ARAF: variants seen among roughly 807,000 people sequenced by gnomAD.
The protein encoded by ARAF is serine/threonine-protein kinase A-Raf.
ARAF carries 18 observed loss-of-function variants against 48.0 expected under a neutral mutation model. The ratio of observed to expected loss-of-function variants is 0.37; its 90% CI spans 0.26 to 0.56. The LOEUF (loss-of-function observed/expected upper bound fraction) is 0.56, where lower values mean the gene tolerates loss of function less well. Ranked by LOEUF, ARAF falls within the 20% of genes least tolerant of loss-of-function variation. ARAF has a pLI of 0.77. For synonymous variants in ARAF, 207 were observed against 220.1 expected (o/e 0.94, Z 0.53); for missense variants, 389 against 543.1 (o/e 0.72, Z 2.82).
Position 47,563,040 on chromosome X carries a change from C to A in ARAF, c.73C>A (p.Leu25Met). Residue 25 changes from leucine (L) to methionine (M), a missense_variant, in exon 2 of 16, where the codon CTG (leucine) becomes ATG (methionine). Physicochemically the swap from Leu to Met is conservative, Grantham distance 15. Transcript: ENST00000377045. ...SRAVGTVKVY[L>M]PNKQRTVVTV... The stretch of plus-strand genomic sequence containing the variant: ...GGCAGTGGGCACCGTCAAAGTATAC[C>A]TGCCCAACAAGCAACGCACGGTGGT... 8.3e-7 allele frequency: 1 copy of A among 1,200,217 alleles called. No individual in the cohort carries two copies. Among genetic ancestry groups the A allele is most frequent in the Non-Finnish European group, 1.1e-6 (1 of 889,591 alleles).
intron 4 of ARAF, 24 bp downstream of exon 4, chrX:47,564,923 G>A (rs371119291): frequency 1.6e-4 from 189 of 1,208,223 alleles, no homozygotes; most frequent in Admixed American, 8.3e-4. Flanking sequence ...GGACGGTGGG[G>A]GTGGACCATG....
At chrX:47,565,658 T>A (rs2057729459) in intron 6 of ARAF, 2 of 151,674 alleles carry the variant, frequency 1.3e-5, no homozygotes, top group Non-Finnish European at 2.5e-5. Context: ...TCAATTTTTT[T>A]GTTATTAATT....
At chrX:47,569,433 T>A (rs1410859009) in intron 12 of ARAF, 106 bp from the exon 13 acceptor site, 3 of 652,252 alleles carry the variant, frequency 4.6e-6, no homozygotes, top group Non-Finnish European at 7.2e-6. Context: ...GGGCTCCTGG[T>A]CAGGATCAGA....
chrX:47,569,729 T>C (rs2057747431), intron 13 of ARAF, 72 bp downstream of exon 13: 1 of 1,112,703 alleles, frequency 9.0e-7, no homozygotes, highest in Non-Finnish European at 1.2e-6. Context: ...TGGGGCCAAG[T>C]GGGGACGGGG....
In ARAF at chrX:47,567,067, C is replaced by T. The variant is rs760815147; in HGVS notation, c.809C>T (p.Pro270Leu). 12 of 1,210,476 alleles carry T rather than the reference C, an allele frequency of 9.9e-6. No homozygotes were observed. In the Admixed American group the frequency reaches 2.6e-4, roughly 26 times the overall value. The change falls in exon 9 of 16, where the codon CCA becomes CTA. Residue 270 changes from proline (P) to leucine (L), a missense_variant. Pro to Leu is a moderately conservative substitution (Grantham distance 98). Coordinates refer to ENST00000377045, the MANE Select transcript of ARAF (RefSeq NM_001654.5). The stretch of plus-strand genomic sequence containing the variant: ...AGCGTGTCCTCGGGGAGGAAGTCCC[C>T]ACATTCCAAGTCACCAGCAGAGCAG... ...PASVSSGRKS[P>L]HSKSPAEQRE...
At chrX:47,564,320 AG>A (rs1394227852) in intron 3 of ARAF, among the ~76,000 whole-genome samples, 1 of 111,761 alleles carries the variant, frequency 8.9e-6, no homozygotes, top group African/African-American at 3.3e-5. Context: ...TGACTTCATC[AG>A]GTCTCTTCTT....
intron 10 of ARAF, 135 bp from the exon 11 acceptor site, chrX:47,568,583 G>T: frequency 3.2e-6 from 2 of 628,384 alleles, no homozygotes; most frequent in Non-Finnish European, 2.5e-6. Flanking sequence ...GCAATGCTTT[G>T]GTCCTGAGTG....
intron 3 of ARAF, among the ~76,000 whole-genome samples, 153 bp downstream of exon 3, chrX:47,563,482 AC>A (rs896053745): frequency 2.7e-5 from 3 of 110,902 alleles, no homozygotes; most frequent in African/African-American, 9.9e-5. Flanking sequence ...ATGTTCCAAG[AC>A]CCCCAGTGGA....
At position 47,571,432 on chromosome X, in the gene ARAF, T is replaced by C; in HGVS notation, c.1796T>C (p.Leu599Pro). 8.3e-7 allele frequency: 1 copy of C among 1,206,983 alleles called. No homozygotes were observed. The highest frequency in any genetic ancestry group is 1.1e-6 in the Non-Finnish European group (1 of 893,271). Residue 599 changes from leucine (L) to proline (P), a missense_variant, in exon 16 of 16, where the codon CTC (leucine) becomes CCC (proline). Physicochemically the swap from Leu to Pro is moderately conservative, Grantham distance 98. Transcript: ENST00000377045. ...GCCGATGAGTTGCCTGCCTGCCTAC[T>C]CAGCGCAGCCCGCCTTGTGCCTTAG... ...TQADELPACL[L>P]SAARLVP
At chrX:47,571,081 C>A (rs2147909895) in intron 15 of ARAF, 69 bp downstream of exon 15, 1 of 1,127,716 alleles carries the variant, frequency 8.9e-7, no homozygotes, top group Non-Finnish European at 1.2e-6. Context: ...GAGATGGAGG[C>A]AGATGTGAAT....
At position 47,571,310 on chromosome X, in the gene ARAF, C is replaced by G. The variant is rs771259913; in HGVS notation, c.1687-13C>G. ...GGCTCTGGACACCCCTCCTCACCCC[C>G]ACCTGCCCTCAGATCCTGGCCACAA... On this transcript the variant is annotated splice_polypyrimidine_tract_variant and intron_variant, in intron 15 of 15. Transcript: ENST00000377045. 1 of 1,205,636 alleles carries G rather than the reference C, an allele frequency of 8.3e-7. No homozygotes were observed. The highest frequency in any genetic ancestry group is 3.0e-5 in the East Asian group (1 of 33,762).
intron 1 of ARAF, among the ~76,000 whole-genome samples, chrX:47,562,155 C>T (rs1304176017): frequency 1.8e-5 from 2 of 110,117 alleles, no homozygotes; most frequent in Admixed American, 9.7e-5. Context: ...TGATAATCCT[C>T]TCTTTCCCAT....
At chrX:47,565,475 G>T in intron 6 of ARAF, 125 bp downstream of exon 6, 1 of 1,050,889 alleles carries the variant, frequency 9.5e-7, no homozygotes, top group South Asian at 2.5e-5. Context: ...ACAAGTGTGA[G>T]TAAGGGCATG....
Position 47,571,021 on chromosome X carries a change from G to T in ARAF, c.1686+9G>T, listed in dbSNP as rs1482217312. The T allele has an allele frequency of 8.3e-7, 1 of 1,209,273 alleles. No individual in the cohort carries two copies. The highest frequency in any genetic ancestry group is 2.3e-4 in the Middle Eastern group (1 of 4,333). On this transcript the variant is annotated intron_variant, in intron 15 of 15. Coordinates refer to ENST00000377045, the MANE Select transcript of ARAF (RefSeq NM_001654.5). ...GGCCCCTCTTCCCCCAGGTGGGCTG[G>T]GTAGGGGGCTGGACACCTTGGGTGG... is the stretch of plus-strand genomic sequence containing the variant.
intron 11 of ARAF, 24 bp from the exon 12 acceptor site, chrX:47,568,963 C>T (rs1380324279): frequency 3.3e-6 from 4 of 1,202,080 alleles, no homozygotes; most frequent in Non-Finnish European, 4.5e-6. Context: ...CCAGCCAATC[C>T]GCCACCTGCC....
At chrX:47,570,683 C>T (rs961087160) in intron 14 of ARAF, among the ~76,000 whole-genome samples, 195 bp from the exon 15 acceptor site, 1 of 111,408 alleles carries the variant, frequency 9.0e-6, no homozygotes, top group Non-Finnish European at 1.9e-5. Context: ...CTTGACAACC[C>T]CAAATTTAAA....
intron 12 of ARAF, among the ~76,000 whole-genome samples, 192 bp downstream of exon 12, chrX:47,569,225 A>G (rs1298295958): frequency 1.8e-5 from 2 of 111,659 alleles, no homozygotes; most frequent in African/African-American, 3.3e-5. Context: ...TGGTTCAGGT[A>G]CTATTCTTGG....
intron 6 of ARAF, 181 bp downstream of exon 6, chrX:47,565,531 T>G (rs762939192): frequency 5.5e-5 from 40 of 730,812 alleles, no homozygotes; most frequent in Non-Finnish European, 7.6e-5. Flanking sequence ...GGGCCTCAGT[T>G]TTCTCATCTG....
chrX:47,571,224 T>C (rs776827612), intron 15 of ARAF, 99 bp from the exon 16 acceptor site: 1 of 969,148 alleles, frequency 1.0e-6, no homozygotes, highest in South Asian at 2.4e-5. Flanking sequence ...TGTGTGTGTG[T>C]GTGTGTGTGT....
Sources: allele counts gnomAD v4.1 joint callset (sites outside exome capture counted in the v4.1 genomes callset), GRCh38; gene constraint gnomAD v4.1.1; transcripts MANE v1.5; gene names NCBI Gene and HGNC (gene_info 2026-07-23, HGNC 2026-07-21).